Variants in EYA4 observed in about 807,000 individuals in gnomAD.
The protein encoded by EYA4 is protein phosphatase EYA4.
Under a neutral mutation model 87.9 loss-of-function variants are expected in EYA4, and 31 were observed. That is an observed-to-expected ratio of 0.35 (90% CI 0.27 to 0.48). The LOEUF is 0.48. Among genes scored for constraint, EYA4 ranks in the 20% least tolerant of loss-of-function variants. EYA4 has a pLI of 0.99. For synonymous variants in EYA4, 263 were observed against 270.6 expected (o/e 0.97, Z 0.28); for missense variants, 678 against 761.4 (o/e 0.89, Z 1.29).
intron 3 of EYA4, among the ~76,000 whole-genome samples, chr6:133,437,210 ATAT>A (rs1445938799): frequency 6.6e-6 from 1 of 152,196 alleles, no homozygotes; most frequent in African/African-American, 2.4e-5. Flanking sequence ...CTACCTTTAA[ATAT>A]TATGAGCAGT....
At chr6:133,463,321 A>T (rs1174824919) in intron 9 of EYA4, among the ~76,000 whole-genome samples, 1 of 150,268 alleles carries the variant, frequency 6.7e-6, no homozygotes, top group Non-Finnish European at 1.5e-5. Flanking sequence ...AAATTTTTTT[A>T]AATTTTAGAC....
intron 3 of EYA4, among the ~76,000 whole-genome samples, chr6:133,429,611 GA>G (rs2128581767): frequency 6.6e-6 from 1 of 152,300 alleles, no homozygotes; most frequent in East Asian, 1.9e-4. Context: ...ATAATAGCTA[GA>G]GGGGGGAAAT....
intron 2 of EYA4, among the ~76,000 whole-genome samples, chr6:133,373,890 G>A (rs1330439045): frequency 2.6e-5 from 4 of 152,014 alleles, no homozygotes; most frequent in African/African-American, 7.2e-5. Context: ...CATATGAGCT[G>A]TAACATGATA....
At chr6:133,315,606 T>C (rs937370015) in intron 2 of EYA4, among the ~76,000 whole-genome samples, 2 of 152,074 alleles carry the variant, frequency 1.3e-5, no homozygotes, top group African/African-American at 2.4e-5. Context: ...AGTGGGAAGA[T>C]ACTGAAGCAA....
chr6:133,507,909 A>G (rs1274614361), intron 14 of EYA4, among the ~76,000 whole-genome samples: 3 of 152,220 alleles, frequency 2.0e-5, no homozygotes, highest in Admixed American at 2.0e-4. Flanking sequence ...TTGCTGGGTC[A>G]AATGGTATTT....
intron 3 of EYA4, among the ~76,000 whole-genome samples, chr6:133,385,483 G>A (rs1293236981): frequency 6.7e-6 from 1 of 150,078 alleles, no homozygotes; most frequent in Non-Finnish European, 1.5e-5. Context: ...TAAAGCCCGG[G>A]GCTAGGTAGT....
intron 2 of EYA4, among the ~76,000 whole-genome samples, chr6:133,284,527 TA>T (rs940390272): frequency 1.3e-5 from 2 of 152,202 alleles, no homozygotes; most frequent in African/African-American, 4.8e-5. Context: ...GTATGGAAAT[TA>T]AATGATAGTT....
chr6:133,353,500 C>A (rs936941795), intron 2 of EYA4, among the ~76,000 whole-genome samples: 47 of 152,202 alleles, frequency 3.1e-4, no homozygotes, highest in African/African-American at 1.1e-3. Context: ...TAAAAAGTAA[C>A]TCTATATTTG....
At chr6:133,411,653 C>G (rs1303221017) in intron 3 of EYA4, among the ~76,000 whole-genome samples, 2 of 151,968 alleles carry the variant, frequency 1.3e-5, no homozygotes, top group East Asian at 3.8e-4. Flanking sequence ...TCTACATTAT[C>G]TTATGAATAT....
intron 2 of EYA4, among the ~76,000 whole-genome samples, chr6:133,307,890 C>T (rs1471023773): frequency 6.6e-6 from 1 of 152,124 alleles, no homozygotes; most frequent in African/African-American, 2.4e-5. Flanking sequence ...AGCTCCCTCC[C>T]ATAATCCCCG....
intron 5 of EYA4, chr6:133,453,035 T>C (rs1793597942): frequency 6.6e-6 from 1 of 152,132 alleles, no homozygotes; most frequent in Non-Finnish European, 1.5e-5. Context: ...GTAATGATTT[T>C]GGTTTGCTGT....
chr6:133,296,811 A>G (rs1477099032), intron 2 of EYA4, among the ~76,000 whole-genome samples: 1 of 152,014 alleles, frequency 6.6e-6, no homozygotes, highest in Non-Finnish European at 1.5e-5. Flanking sequence ...ATTTATGTCC[A>G]TGAAAATAGG....
At chr6:133,336,138 G>C (rs1782347809) in intron 2 of EYA4, among the ~76,000 whole-genome samples, 1 of 152,056 alleles carries the variant, frequency 6.6e-6, no homozygotes, top group African/African-American at 2.4e-5. Context: ...GTTCCCAATA[G>C]GATAACTGAT....
chr6:133,243,924 A>G (rs1188108908), intron 1 of EYA4, among the ~76,000 whole-genome samples: 1 of 152,248 alleles, frequency 6.6e-6, no homozygotes, highest in African/African-American at 2.4e-5. Context: ...GAAAGCAGAC[A>G]TAACTACACC....
intron 2 of EYA4, among the ~76,000 whole-genome samples, chr6:133,276,134 G>A (rs375892711): frequency 6.6e-6 from 1 of 152,170 alleles, no homozygotes; most frequent in East Asian, 1.9e-4. Flanking sequence ...AGTAAATGTT[G>A]ACAACATCTT....
chr6:133,329,583 A>G (rs1404433294), intron 2 of EYA4, among the ~76,000 whole-genome samples: 1 of 152,132 alleles, frequency 6.6e-6, no homozygotes, highest in Non-Finnish European at 1.5e-5. Flanking sequence ...TTGAATAATT[A>G]ACCTAGATTA....
chr6:133,362,357 C>G (rs2095602), intron 2 of EYA4, among the ~76,000 whole-genome samples: 2 of 152,022 alleles, frequency 1.3e-5, no homozygotes, highest in Non-Finnish European at 2.9e-5. Flanking sequence ...CCGTTATTGT[C>G]CTAGAATGGG....
chr6:133,335,556 C>T (rs1782301305), intron 2 of EYA4, among the ~76,000 whole-genome samples: 1 of 152,172 alleles, frequency 6.6e-6, no homozygotes, highest in African/African-American at 2.4e-5. Context: ...TACAATCCAA[C>T]TGTCTTAAGT....
At chr6:133,252,933 G>C (rs1582750624) in intron 1 of EYA4, among the ~76,000 whole-genome samples, 2 of 143,728 alleles carry the variant, frequency 1.4e-5, no homozygotes, top group South Asian at 4.5e-4. Context: ...CAGGGTAGAG[G>C]TACTTGAAAA....
Sources: gnomAD v4.1 joint callset for allele counts (sites outside exome capture counted in the v4.1 genomes callset) on GRCh38, gnomAD v4.1.1 for gene constraint, MANE v1.5 for transcripts, NCBI Gene and HGNC (gene_info 2026-07-23, HGNC 2026-07-21) for gene names.